The following SPART variants were observed in gnomAD, a reference collection of about 807,000 sequenced individuals.
The protein encoded by SPART is spastic paraplegia 20 (Troyer syndrome).
SPART carries 35 observed loss-of-function variants against 58.7 expected under a neutral mutation model. The observed-to-expected ratio is 0.60, with a 90% CI of 0.46 to 0.79. The LOEUF is 0.79. Among genes scored for constraint, SPART ranks in the 30% least tolerant of loss-of-function variants. The probability of loss-of-function intolerance (pLI) is 0.00; values close to 1 mark genes in which losing one functional copy is unlikely to be tolerated. For synonymous variants in SPART, 284 were observed against 280.7 expected (o/e 1.01, Z -0.12); for missense variants, 730 against 786.1 (o/e 0.93, Z 0.85).
intron 1 of SPART, chr13:36,345,647 T>C (rs1032796253): frequency 6.6e-6 from 1 of 152,170 alleles, no homozygotes; most frequent in South Asian, 2.1e-4. Flanking sequence ...GAGAAACTTT[T>C]CTCAGGCCCA....
At chr13:36,333,739 G>T (rs1012582373) in intron 2 of SPART, among the ~76,000 whole-genome samples, 2 of 152,016 alleles carry the variant, frequency 1.3e-5, no homozygotes, top group African/African-American at 4.8e-5. Context: ...AGGACCCAAA[G>T]ATTTTTTATT....
Position 36,331,423 on chromosome 13 carries a change from C to T in SPART, c.984G>A (p.Arg328=), listed in dbSNP as rs772183056. 2 of 1,614,074 alleles carry T rather than the reference C, an allele frequency of 1.2e-6. No homozygotes were observed. Among genetic ancestry groups the T allele is most frequent in the Non-Finnish European group, 1.7e-6 (2 of 1,180,010 alleles). The change falls in exon 3 of 9, where the codon AGG becomes AGA. Residue 328 remains arginine, a synonymous_variant. Coordinates refer to ENST00000438666, the MANE Select transcript of SPART (RefSeq NM_015087.5). ...DDRELFEDLL[R]QMSDLRLQAN... ...CCTGGAGCCGAAGGTCAGACATTTG[C>T]CTTAACAGATCCTCAAAGAGCTCTC... is the stretch of plus-strand genomic sequence containing the variant.
At chr13:36,325,916 G>C (rs949013672) in intron 5 of SPART, 2 of 152,392 alleles carry the variant, frequency 1.3e-5, no homozygotes, top group Non-Finnish European at 2.9e-5. Flanking sequence ...TCATAAACTA[G>C]TAGCTTATTA....
chr13:36,316,596 A>T (rs1881734774), intron 5 of SPART, among the ~76,000 whole-genome samples: 1 of 151,934 alleles, frequency 6.6e-6, no homozygotes, highest in African/African-American at 2.4e-5. Flanking sequence ...GACAGAGAAC[A>T]AACCCCCTTT....
chr13:36,324,667 T>G (rs543221825), intron 5 of SPART, among the ~76,000 whole-genome samples: 1 of 152,218 alleles, frequency 6.6e-6, no homozygotes, highest in Admixed American at 6.5e-5. Context: ...TGGAACAAAC[T>G]TGTAACAGTA....
At chr13:36,305,800 T>G (rs1393642291) in intron 8 of SPART, among the ~76,000 whole-genome samples, 2 of 152,136 alleles carry the variant, frequency 1.3e-5, no homozygotes, top group Admixed American at 6.5e-5. Flanking sequence ...TTCCCCCAAA[T>G]AGAGGACTGT....
Position 36,313,319 on chromosome 13 carries a change from G to A in SPART, c.1484-842C>T, listed in dbSNP as rs139146795. Among the ~76,000 whole-genome samples, 127 of 152,274 alleles carry A rather than the reference G, an allele frequency of 8.3e-4. 1 individual carries two copies. The highest frequency in any genetic ancestry group is 2.8e-3 in the African/African-American group (116 of 41,554). On this transcript the variant is annotated intron_variant, in intron 6 of 8. Transcript: ENST00000438666. The stretch of plus-strand genomic sequence containing the variant: ...GTTTGGTCATTTCAGACATTTCATG[G>A]TCCCATAAGATTATAATGGAGCTGA...
chr13:36,321,792 A>G (rs1417979377), intron 5 of SPART, among the ~76,000 whole-genome samples: 6 of 151,996 alleles, frequency 3.9e-5, no homozygotes, highest in South Asian at 2.1e-4. Flanking sequence ...TGACTTGCAC[A>G]TATACGCCCA....
rs538687796 is a variant in SPART, at chr13:36,312,041, C to T, written c.1733+104G>A. On this transcript the variant is annotated intron_variant, in intron 8 of 8. Coordinates refer to ENST00000438666, the MANE Select transcript of SPART (RefSeq NM_015087.5). ...GGTGGAGGTTGCAGTGACCTAAGAT[C>T]GCGCCATTGCACTCCAGCTTGGGCA... The T allele has an allele frequency of 5.3e-5, 54 of 1,025,432 alleles. 1 individual carries two copies. Among genetic ancestry groups the T allele is most frequent in the Middle Eastern group, 6.0e-4 (2 of 3,336 alleles). The allele number at this position is 1,025,432 out of a possible 1,614,324, so 63.5% of individuals were successfully genotyped here. A position where few individuals can be genotyped will look rare whatever the true frequency, so the allele number is the denominator to read the frequency against.
rs1293511060 is a variant in SPART, at chr13:36,335,612, A to G, written c.219T>C (p.Ser73=). The G allele has an allele frequency of 6.2e-7, 1 of 1,613,912 alleles. No homozygotes were observed. The highest frequency in any genetic ancestry group is 1.7e-5 in the Admixed American group (1 of 59,954). The change falls in exon 2 of 9, where the codon TCT becomes TCC. Residue 73 remains serine (S), a synonymous_variant. Coordinates refer to ENST00000438666, the MANE Select transcript of SPART (RefSeq NM_015087.5). The part of the protein sequence containing the change: ...ESEHTGPGWE[S]ARQMQQKMKE... ...TCATTTTCTGTTGCATCTGTCTAGC[A>G]GATTCCCACCCAGGACCTGTGTGTT...
rs116681025 is a variant in SPART, at chr13:36,311,189, T to C, written c.1733+956A>G. ...GGTGTGCCAGGATAAAGAAGTATCC[T>C]GTGAAACGCACACTGAAAACATTCA... On this transcript the variant is annotated intron_variant, in intron 8 of 8. Transcript: ENST00000438666. 4.8e-3 allele frequency among the ~76,000 whole-genome samples: 725 copies of C among 152,320 alleles called. 7 individuals are homozygous for C. The highest frequency in any genetic ancestry group is 0.016 in the African/African-American group (678 of 41,568).
At chr13:36,332,314 T>G (rs1290443397) in intron 2 of SPART, among the ~76,000 whole-genome samples, 1 of 152,052 alleles carries the variant, frequency 6.6e-6, no homozygotes, top group Admixed American at 6.6e-5. Flanking sequence ...CTGGACAACA[T>G]GGTGAAACCC....
At chr13:36,355,772 G>A (rs1223937785) in intron 1 of SPART, among the ~76,000 whole-genome samples, 1 of 152,098 alleles carries the variant, frequency 6.6e-6, no homozygotes, top group Non-Finnish European at 1.5e-5. Context: ...GGAAGTGGGG[G>A]TCGAAACATG....
At position 36,314,364 on chromosome 13, in the gene SPART, A is replaced by G. The variant is rs1345406176; in HGVS notation, c.1346T>C (p.Ile449Thr). The change falls in exon 6 of 9, where the codon ATC (isoleucine) becomes ACC (threonine). Residue 449 changes from isoleucine (I) to threonine (T), a missense_variant. Physicochemically the swap from Ile to Thr is moderately conservative, Grantham distance 89 (BLOSUM62 -1). Coordinates refer to ENST00000438666, the MANE Select transcript of SPART (RefSeq NM_015087.5). ...TCGGAGTTTAGAAGCACCTTTCTGG[A>G]TTGCCTTACCAGTAATCTCAGCACC... ...VKGAEITGKA[I>T]QKGASKLRER... The G allele has an allele frequency of 6.2e-7, 1 of 1,613,966 alleles. No homozygotes were observed. The highest frequency in any genetic ancestry group is 1.3e-5 in the African/African-American group (1 of 74,910).
intron 1 of SPART, among the ~76,000 whole-genome samples, chr13:36,368,778 C>T (rs1886165249): frequency 6.6e-6 from 1 of 152,102 alleles, no homozygotes; most frequent in Admixed American, 6.6e-5. Flanking sequence ...CTGAGGTGGG[C>T]TGTTCATGAT....
chr13:36,339,463 C>T (rs746714255), intron 1 of SPART, among the ~76,000 whole-genome samples: 2 of 151,070 alleles, frequency 1.3e-5, no homozygotes, highest in African/African-American at 2.4e-5. Flanking sequence ...GGTGAAACCC[C>T]GTCTAAAAAT....
chr13:36,349,577 G>A (rs979749220), upstream of SPART, among the ~76,000 whole-genome samples: 1 of 152,154 alleles, frequency 6.6e-6, no homozygotes, highest in African/African-American at 2.4e-5. Flanking sequence ...AAAGGATTTG[G>A]TTTGCTCCTC....
chr13:36,361,904 C>A (rs1885875373), intron 1 of SPART, among the ~76,000 whole-genome samples: 1 of 152,122 alleles, frequency 6.6e-6, no homozygotes, highest in African/African-American at 2.4e-5. Flanking sequence ...TTCTTGACTG[C>A]ATGAATATCA....
intron 5 of SPART, among the ~76,000 whole-genome samples, chr13:36,324,708 C>G (rs990827464): frequency 6.6e-6 from 1 of 152,190 alleles, no homozygotes; most frequent in South Asian, 2.1e-4. Flanking sequence ...AAGAGACCAC[C>G]AAACAGGCTT....
Sources: allele counts gnomAD v4.1 joint callset (sites outside exome capture counted in the v4.1 genomes callset), GRCh38; gene constraint gnomAD v4.1.1; transcripts MANE v1.5; gene names NCBI Gene and HGNC (gene_info 2026-07-23, HGNC 2026-07-21).